Variants in NAA35 observed in about 807,000 individuals in gnomAD.
The protein encoded by NAA35 is N-alpha-acetyltransferase 35, NatC auxiliary subunit.
In NAA35, 18 loss-of-function variants were observed where a neutral mutation model predicts 101.7. That is an observed-to-expected ratio of 0.18 (90% CI 0.12 to 0.26). The LOEUF is 0.26. Ranked by LOEUF, NAA35 falls within the 10% of genes least tolerant of loss-of-function variation. The probability of loss-of-function intolerance (pLI) is 1.00; values close to 1 mark genes in which losing one functional copy is unlikely to be tolerated. For missense variants in NAA35, 601 were observed against 886.8 expected, an observed-to-expected ratio of 0.68 and a Z score of 4.09; for synonymous variants, 267 against 273.1, an observed-to-expected ratio of 0.98 and a Z score of 0.22.
rs766795712 is a variant in NAA35, at chr9:86,016,526, T to C, written c.1569-13T>C. ...AGACATCTACCATTAACTAACATTT[T>C]GTATCCTTTAAGGTATCTCTCTGAA... is the stretch of plus-strand genomic sequence containing the variant. On this transcript the variant is annotated splice_polypyrimidine_tract_variant and intron_variant, in intron 17 of 22. Transcript: ENST00000361671. 6.2e-7 allele frequency: 1 copy of C among 1,607,902 alleles called. No individual in the cohort carries two copies. Among genetic ancestry groups the C allele is most frequent in the South Asian group, 1.1e-5 (1 of 89,402 alleles).
intron 11 of NAA35, among the ~76,000 whole-genome samples, chr9:85,992,936 G>GA (rs1830980828): frequency 6.6e-6 from 1 of 152,102 alleles, no homozygotes; most frequent in Non-Finnish European, 1.5e-5. Flanking sequence ...TGGAACTTTT[G>GA]AGATTGTTTC....
At chr9:86,018,099 A>G (rs1245635516) in intron 19 of NAA35, among the ~76,000 whole-genome samples, 156 bp from the exon 20 acceptor site, 2 of 152,252 alleles carry the variant, frequency 1.3e-5, no homozygotes, top group Non-Finnish European at 2.9e-5. Flanking sequence ...CTTTGAAAAT[A>G]GGACCTGTGC....
intron 1 of NAA35, 169 bp downstream of exon 1, chr9:85,941,442 C>G (rs1179227861): frequency 1.0e-6 from 1 of 985,372 alleles, no homozygotes; most frequent in African/African-American, 1.7e-5. Context: ...CGCTGTCGGC[C>G]GAGGCCCCAC....
chr9:85,952,279 GTGTTTTT>G (rs1182392578), intron 2 of NAA35, among the ~76,000 whole-genome samples: 2 of 146,382 alleles, frequency 1.4e-5, no homozygotes, highest in Non-Finnish European at 3.0e-5. Context: ...AATTGTGCAA[GTGTTTTT>G]TGTTTTTTTT....
At chr9:85,942,057 T>A in intron 1 of NAA35, 98 bp from the exon 2 acceptor site, 1 of 1,498,490 alleles carries the variant, frequency 6.7e-7, no homozygotes. Context: ...AAGAGTTTAG[T>A]TAAGACTTCA....
At chr9:85,946,682 C>G (rs1242667372) in intron 2 of NAA35, among the ~76,000 whole-genome samples, 2 of 130,846 alleles carry the variant, frequency 1.5e-5, no homozygotes, top group East Asian at 2.3e-4. Flanking sequence ...TTTTTTTTTG[C>G]GATTTTTTTT....
At chr9:85,977,467 A>G (rs1345880002) in intron 10 of NAA35, 21 bp downstream of exon 10, 21 of 1,530,960 alleles carry the variant, frequency 1.4e-5, no homozygotes, top group Non-Finnish European at 1.9e-5. Flanking sequence ...TCAATATAAT[A>G]TGTCTATTTG....
Position 86,013,799 on chromosome 9 carries a change from C to T in NAA35, c.1470C>T (p.Thr490=), listed in dbSNP as rs1832070567. The part of the protein sequence containing the change: ...PQRQHLACLG[T]WVLYHNLRIM... ...GGCAACATTTGGCCTGTTTAGGTACCTGGGTCCTTTACCATAACCTTCGCA... is the reference window on the plus strand; with the variant it reads ...GGCAACATTTGGCCTGTTTAGGTACTTGGGTCCTTTACCATAACCTTCGCA... Residue 490 remains threonine, a synonymous_variant, in exon 17 of 23, where the codon ACC becomes ACT. Coordinates refer to ENST00000361671, the MANE Select transcript of NAA35 (RefSeq NM_024635.4). 1.2e-6 allele frequency: 2 copies of T among 1,614,008 alleles called. No individual in the cohort carries two copies. The highest frequency in any genetic ancestry group is 2.2e-5 in the South Asian group (2 of 91,078).
At chr9:86,015,712 C>G in intron 17 of NAA35, 1 of 912,796 alleles carries the variant, frequency 1.1e-6, no homozygotes, top group African/African-American at 1.8e-5. Flanking sequence ...AATAAAAGAT[C>G]ATTGAGGTAC....
At chr9:86,002,497 G>T (rs1831458017) in intron 12 of NAA35, among the ~76,000 whole-genome samples, 2 of 152,074 alleles carry the variant, frequency 1.3e-5, no homozygotes. Context: ...GGATGCCAGT[G>T]ATTCAAAGTT....
At chr9:86,017,441 A>G in intron 18 of NAA35, 57 bp from the exon 19 acceptor site, 5 of 1,507,550 alleles carry the variant, frequency 3.3e-6, no homozygotes, top group Non-Finnish European at 4.6e-6. Context: ...TTTTGCAGTA[A>G]TGCAAGAGGG....
chr9:86,002,525 C>G (rs1452756029), intron 12 of NAA35, among the ~76,000 whole-genome samples: 1 of 152,110 alleles, frequency 6.6e-6, no homozygotes. Flanking sequence ...TTCCATAATC[C>G]CATACTTCTC....
chr9:85,944,538 GAAAC>G (rs1828673093), intron 2 of NAA35, among the ~76,000 whole-genome samples: 1 of 152,186 alleles, frequency 6.6e-6, no homozygotes, highest in African/African-American at 2.4e-5. Flanking sequence ...AGAGGTGAAA[GAAAC>G]AAGAGAGATG....
intron 2 of NAA35, among the ~76,000 whole-genome samples, chr9:85,949,985 A>G (rs1412382170): frequency 6.6e-6 from 1 of 152,160 alleles, no homozygotes; most frequent in Non-Finnish European, 1.5e-5. Context: ...ATACGGTGGA[A>G]TTTTTCAGAG....
intron 8 of NAA35, among the ~76,000 whole-genome samples, chr9:85,976,412 C>T (rs1830214108): frequency 6.6e-6 from 1 of 152,032 alleles, no homozygotes; most frequent in African/African-American, 2.4e-5. Flanking sequence ...TACTATGTGC[C>T]ATATACTTCT....
chr9:85,993,766 C>CT (rs57708630), intron 11 of NAA35, among the ~76,000 whole-genome samples: 1 of 151,670 alleles, frequency 6.6e-6, no homozygotes, highest in East Asian at 1.9e-4. Context: ...AAGTGGATGG[C>CT]TTTTTTTTCT....
At chr9:86,017,832 T>C (rs1286956813) in intron 19 of NAA35, among the ~76,000 whole-genome samples, 1 of 152,202 alleles carries the variant, frequency 6.6e-6, no homozygotes, top group Non-Finnish European at 1.5e-5. Context: ...ACAGGCCAGT[T>C]GATGTATCTG....
intron 14 of NAA35, among the ~76,000 whole-genome samples, chr9:86,007,905 A>G (rs1403939136): frequency 1.3e-5 from 2 of 152,216 alleles, no homozygotes; most frequent in African/African-American, 4.8e-5. Context: ...CTAACAGTGT[A>G]TCTTTTTCCA....
chr9:85,983,144 A>G (rs140008871), intron 11 of NAA35, among the ~76,000 whole-genome samples: 1 of 152,150 alleles, frequency 6.6e-6, no homozygotes, highest in Non-Finnish European at 1.5e-5. Context: ...GGACAGAGGG[A>G]TTCTGTACTT....
Sources: gnomAD v4.1 joint callset for allele counts (sites outside exome capture counted in the v4.1 genomes callset) on GRCh38, gnomAD v4.1.1 for gene constraint, MANE v1.5 for transcripts, NCBI Gene and HGNC (gene_info 2026-07-23, HGNC 2026-07-21) for gene names.